The following ARFGEF1 variants were observed in gnomAD, a reference collection of about 807,000 sequenced individuals.
ARFGEF1 encodes brefeldin A-inhibited guanine nucleotide-exchange protein 1.
A neutral mutation model predicts 231.0 loss-of-function variants in ARFGEF1; 42 were observed. That is an observed-to-expected ratio of 0.18 (90% CI 0.14 to 0.24). The LOEUF (loss-of-function observed/expected upper bound fraction) is 0.24, where lower values mean the gene tolerates loss of function less well. Ranked by LOEUF, ARFGEF1 falls within the 10% of genes least tolerant of loss-of-function variation. The pLI is 1.00. For synonymous variants in ARFGEF1, 710 were observed against 732.3 expected (o/e 0.97, Z 0.49); for missense variants, 1,345 against 2,192.0 (o/e 0.61, Z 7.72).
intron 29 of ARFGEF1, among the ~76,000 whole-genome samples, chr8:67,219,904 C>CA (rs1019651168): frequency 3.3e-5 from 5 of 151,718 alleles, no homozygotes; most frequent in Admixed American, 6.6e-5. Context: ...GCACTGTAGC[C>CA]AAAAAAGAAA....
intron 22 of ARFGEF1, among the ~76,000 whole-genome samples, chr8:67,235,851 T>A (rs1264321051): frequency 6.6e-6 from 1 of 152,080 alleles, no homozygotes; most frequent in Non-Finnish European, 1.5e-5. Context: ...CTAATAATTA[T>A]CTACTATGTA....
chr8:67,251,579 C>A (rs1840285851), intron 18 of ARFGEF1, 129 bp from the exon 19 acceptor site: 5 of 882,880 alleles, frequency 5.7e-6, no homozygotes, highest in Non-Finnish European at 1.6e-6. Flanking sequence ...CACAAGAGAT[C>A]CCATATTATA....
At chr8:67,320,997 C>T (rs369675619) in intron 1 of ARFGEF1, among the ~76,000 whole-genome samples, 10 of 152,116 alleles carry the variant, frequency 6.6e-5, no homozygotes, top group African/African-American at 2.4e-4. Flanking sequence ...ACTACTAATA[C>T]ATACAACAAC....
intron 19 of ARFGEF1, among the ~76,000 whole-genome samples, chr8:67,247,115 CA>C (rs1361791288): frequency 6.7e-6 from 1 of 150,174 alleles, no homozygotes; most frequent in Non-Finnish European, 1.5e-5. Flanking sequence ...AGTCTCTCAG[CA>C]AAAGAAAGCG....
chr8:67,331,734 GA>G (rs758367885), intron 1 of ARFGEF1, among the ~76,000 whole-genome samples: 14 of 146,232 alleles, frequency 9.6e-5, no homozygotes, highest in Admixed American at 6.8e-4. Flanking sequence ...TCTTAGAACA[GA>G]AAAAAAAAAT....
Position 67,322,003 on chromosome 8 carries a change from A to G in ARFGEF1, c.125-19537T>C, listed in dbSNP as rs185066259. Among the ~76,000 whole-genome samples, 185 of 152,192 alleles carry G rather than the reference A, an allele frequency of 1.2e-3. 1 individual carries two copies. The highest frequency in any genetic ancestry group is 4.3e-3 in the African/African-American group (180 of 41,524). ...GCCCTTCCTTGCATTCCACACTCCA[A>G]TTGTAAAGGAACATTGTAAATCCCC... On this transcript the variant is annotated intron_variant, in intron 1 of 38. Coordinates refer to ENST00000262215, the MANE Select transcript of ARFGEF1 (RefSeq NM_006421.5).
At chr8:67,216,552 A>G in intron 33 of ARFGEF1, 38 bp downstream of exon 33, 3 of 1,544,324 alleles carry the variant, frequency 1.9e-6, no homozygotes, top group Non-Finnish European at 2.6e-6. Flanking sequence ...CTCATCACAA[A>G]TAACTAATTT....
chr8:67,295,459 C>T (rs946654237), intron 5 of ARFGEF1, among the ~76,000 whole-genome samples: 1 of 152,154 alleles, frequency 6.6e-6, no homozygotes, highest in Non-Finnish European at 1.5e-5. Context: ...AAGGACACAA[C>T]ATTGTCTCAG....
intron 10 of ARFGEF1, among the ~76,000 whole-genome samples, chr8:67,268,779 A>G (rs978242411): frequency 2.0e-5 from 3 of 152,206 alleles, no homozygotes; most frequent in Non-Finnish European, 4.4e-5. Context: ...TTGTCTTTGA[A>G]ATACATAGTA....
rs754050531 is a variant in ARFGEF1, at chr8:67,253,401, C to T, written c.2698+50G>A. On this transcript the variant is annotated intron_variant, in intron 18 of 38. Transcript: ENST00000262215. ...CCATAAGTGAAAAACTCTTAGGAAC[C>T]CATATTTTTCCCCTTGAACAATCAG... is the stretch of plus-strand genomic sequence containing the variant. The T allele has an allele frequency of 1.1e-5, 14 of 1,326,842 alleles. No individual in the cohort carries two copies. The African/African-American group carries it at 2.1e-4, about 20-fold the overall frequency. 82.2% of individuals were successfully genotyped at this position (1,326,842 alleles called of 1,614,324 possible). A position where few individuals can be genotyped will look rare whatever the true frequency, so the allele number is the denominator to read the frequency against.
intron 1 of ARFGEF1, among the ~76,000 whole-genome samples, chr8:67,314,604 C>T (rs1807220416): frequency 6.6e-6 from 1 of 152,040 alleles, no homozygotes; most frequent in Admixed American, 6.6e-5. Flanking sequence ...GCAGTTGGGG[C>T]ACTCACAGTA....
intron 15 of ARFGEF1, 80 bp from the exon 16 acceptor site, chr8:67,258,370 G>A (rs539765259): frequency 9.5e-7 from 1 of 1,047,506 alleles, no homozygotes; most frequent in South Asian, 1.6e-5. Flanking sequence ...CTGTTGCCCA[G>A]GCTGGGGTGC....
At chr8:67,277,869 T>G (rs372290276) in intron 7 of ARFGEF1, among the ~76,000 whole-genome samples, 7 of 152,218 alleles carry the variant, frequency 4.6e-5, no homozygotes, top group African/African-American at 1.7e-4. Context: ...AGCCTTTAAG[T>G]TGCTAATATG....
At chr8:67,260,398 T>C (rs1158294516) in intron 14 of ARFGEF1, among the ~76,000 whole-genome samples, 5 of 152,232 alleles carry the variant, frequency 3.3e-5, no homozygotes, top group Admixed American at 3.3e-4. Context: ...CAAAACCATA[T>C]GCTCTCTTTG....
At position 67,291,955 on chromosome 8, in the gene ARFGEF1, T is replaced by C. The variant is rs762305898; in HGVS notation, c.808A>G (p.Asn270Asp). 1.9e-5 allele frequency: 30 copies of C among 1,613,808 alleles called. No individual in the cohort carries two copies. Among genetic ancestry groups the C allele is most frequent in the Non-Finnish European group, 2.5e-5 (30 of 1,179,898 alleles). ...EHEGDLDLHT[N>D]DVDKSLQDDT... is the part of the protein sequence containing the mutation. The stretch of plus-strand genomic sequence containing the variant: ...TCCTGAAGACTTTTATCTACATCAT[T>C]TGTATGGAGGTCAAGGTCCCCTTCG... The change falls in exon 6 of 39, where the codon AAT (asparagine) becomes GAT (aspartate). Residue 270 changes from asparagine to aspartate, a missense_variant. Asn to Asp is a conservative substitution (Grantham distance 23, BLOSUM62 1). Coordinates refer to ENST00000262215, the MANE Select transcript of ARFGEF1 (RefSeq NM_006421.5).
At chr8:67,343,120 C>G in intron 1 of ARFGEF1, 44 bp downstream of exon 1, 2 of 1,309,220 alleles carry the variant, frequency 1.5e-6, no homozygotes, top group South Asian at 1.4e-5. Context: ...CCCCTCCCCG[C>G]CCCACAACAA....
At chr8:67,255,619 T>C (rs1286912766) in intron 17 of ARFGEF1, among the ~76,000 whole-genome samples, 1 of 152,266 alleles carries the variant, frequency 6.6e-6, no homozygotes, top group African/African-American at 2.4e-5. Flanking sequence ...TCATTTGTTA[T>C]AGTTATCTAA....
chr8:67,273,569 T>C (rs1805191404), intron 9 of ARFGEF1, among the ~76,000 whole-genome samples: 1 of 151,978 alleles, frequency 6.6e-6, no homozygotes, highest in Non-Finnish European at 1.5e-5. Context: ...GTAAATCTAA[T>C]AAGGAATTGT....
intron 3 of ARFGEF1, among the ~76,000 whole-genome samples, chr8:67,300,790 G>A (rs1421813256): frequency 6.6e-6 from 1 of 151,382 alleles, no homozygotes; most frequent in Admixed American, 6.6e-5. Flanking sequence ...GTCACAGTGA[G>A]CCAAGATTAC....
Sources: allele counts gnomAD v4.1 joint callset (sites outside exome capture counted in the v4.1 genomes callset), GRCh38; gene constraint gnomAD v4.1.1; transcripts MANE v1.5; gene names NCBI Gene and HGNC (gene_info 2026-07-23, HGNC 2026-07-21).